The following PDGFC variants were observed in gnomAD, a reference collection of about 807,000 sequenced individuals.
PDGFC encodes platelet-derived growth factor C.
A neutral mutation model predicts 35.5 loss-of-function variants in PDGFC; 12 were observed. The observed-to-expected ratio is 0.34, with a 90% CI of 0.22 to 0.55. The LOEUF is 0.55. Among genes scored for constraint, PDGFC ranks in the 20% least tolerant of loss-of-function variants. The probability of loss-of-function intolerance (pLI) is 0.91; values close to 1 mark genes in which losing one functional copy is unlikely to be tolerated. For synonymous variants in PDGFC, 159 were observed against 148.8 expected, an observed-to-expected ratio of 1.07 and a Z score of -0.50; for missense variants, 322 against 412.4, an observed-to-expected ratio of 0.78 and a Z score of 1.90.
rs915539863 is a variant in PDGFC at position 156,760,728 on chromosome 4, G to T, written c.*2362C>A. ...AACCACTCACCGACTGGCAACTGAGGACTGCTACCCTTATGATCTCTTCTG... is the reference window on the plus strand; with the variant it reads ...AACCACTCACCGACTGGCAACTGAGTACTGCTACCCTTATGATCTCTTCTG... On this transcript the variant is annotated 3_prime_UTR_variant, in exon 6 of 6. Transcript: ENST00000502773. The T allele has an allele frequency of 3.9e-5, 6 of 152,146 alleles. No homozygotes were observed. The highest frequency in any genetic ancestry group is 3.9e-4 in the Admixed American group (6 of 15,284). 9.4% of individuals were successfully genotyped at this position (152,146 alleles called of 1,614,324 possible).
chr4:156,837,884 A>C (rs1211385115), intron 2 of PDGFC, among the ~76,000 whole-genome samples: 3 of 152,128 alleles, frequency 2.0e-5, no homozygotes, highest in Non-Finnish European at 4.4e-5. Context: ...CAAAATATAA[A>C]ACCAAAACAT....
chr4:156,821,160 G>A (rs1022293947), intron 2 of PDGFC, among the ~76,000 whole-genome samples: 1 of 144,790 alleles, frequency 6.9e-6, no homozygotes, highest in African/African-American at 2.7e-5. Context: ...AAGGAATGTT[G>A]CCTGTTGTAT....
chr4:156,870,168 G>A (rs567286302), intron 1 of PDGFC, among the ~76,000 whole-genome samples: 10 of 152,180 alleles, frequency 6.6e-5, no homozygotes, highest in African/African-American at 2.2e-4. Flanking sequence ...CCACTTAACC[G>A]AAGTGATTCA....
intron 1 of PDGFC, among the ~76,000 whole-genome samples, chr4:156,918,457 C>T (rs1399267706): frequency 2.6e-5 from 4 of 152,164 alleles, no homozygotes; most frequent in Admixed American, 6.5e-5. Context: ...ATCAGGGGTC[C>T]AACCACTGGC....
intron 2 of PDGFC, chr4:156,835,902 T>C (rs1191689795): frequency 6.6e-6 from 1 of 152,178 alleles, no homozygotes; most frequent in African/African-American, 2.4e-5. Flanking sequence ...GAAAAATGCA[T>C]TCAGGATTTT....
chr4:156,766,281 T>G (rs72683327), intron 5 of PDGFC, among the ~76,000 whole-genome samples: 26,676 of 152,046 alleles, frequency 0.18, 2,506 homozygotes, highest in South Asian at 0.4. Flanking sequence ...TATACATATA[T>G]AAGGTTCCTG....
intron 1 of PDGFC, among the ~76,000 whole-genome samples, chr4:156,865,186 G>GCACACACACACA (rs34323245): frequency 0.013 from 1,953 of 146,726 alleles, 14 homozygotes; most frequent in African/African-American, 0.026. Context: ...AGATACATGT[G>GCACACACACACA]CACACACACA....
At chr4:156,928,365 G>C (rs1731466664) in intron 1 of PDGFC, among the ~76,000 whole-genome samples, 1 of 152,126 alleles carries the variant, frequency 6.6e-6, no homozygotes, top group Non-Finnish European at 1.5e-5. Context: ...AGCTGGAACT[G>C]CAGCTCTACC....
chr4:156,822,645 T>A (rs1447657595), intron 2 of PDGFC, among the ~76,000 whole-genome samples: 1 of 152,148 alleles, frequency 6.6e-6, no homozygotes, highest in African/African-American at 2.4e-5. Context: ...ACTGTTATTA[T>A]ACCCACATTA....
intron 4 of PDGFC, among the ~76,000 whole-genome samples, chr4:156,769,163 C>T (rs1730624682): frequency 6.6e-6 from 1 of 151,114 alleles, no homozygotes; most frequent in Admixed American, 6.6e-5. Context: ...ACTTAAATAC[C>T]TTTCCACTAA....
At chr4:156,889,335 T>C (rs946875207) in intron 1 of PDGFC, among the ~76,000 whole-genome samples, 1 of 152,196 alleles carries the variant, frequency 6.6e-6, no homozygotes, top group Admixed American at 6.5e-5. Context: ...TTTTATACTT[T>C]CTAGGATACA....
At chr4:156,809,662 A>G (rs536109536) in intron 3 of PDGFC, among the ~76,000 whole-genome samples, 1 of 152,066 alleles carries the variant, frequency 6.6e-6, no homozygotes, top group African/African-American at 2.4e-5. Flanking sequence ...TTTAATCCAT[A>G]TAACTCCTTG....
At chr4:156,919,607 C>T (rs1275404276) in intron 1 of PDGFC, among the ~76,000 whole-genome samples, 1 of 152,048 alleles carries the variant, frequency 6.6e-6, no homozygotes, top group Admixed American at 6.5e-5. Flanking sequence ...AGCTGAGGAC[C>T]AGAGAGATGG....
At position 156,760,904 on chromosome 4, in the gene PDGFC, C is replaced by T. The variant is rs1730360938; in HGVS notation, c.*2186G>A. 6.6e-6 allele frequency: 1 copy of T among 152,074 alleles called. No homozygotes were observed. The allele number at this position is 152,074 out of a possible 1,614,324, so 9.4% of individuals were successfully genotyped here. On this transcript the variant is annotated 3_prime_UTR_variant, in exon 6 of 6. Transcript: ENST00000502773. Reference sequence around the variant, plus strand: ...TTACTATACTAATGAAAGTTGTAAACTGCCAACTACTTACTACGTTGCATA... The same window carrying T: ...TTACTATACTAATGAAAGTTGTAAATTGCCAACTACTTACTACGTTGCATA...
intron 5 of PDGFC, among the ~76,000 whole-genome samples, chr4:156,764,976 C>T (rs1730481547): frequency 6.6e-6 from 1 of 152,142 alleles, no homozygotes; most frequent in Non-Finnish European, 1.5e-5. Flanking sequence ...ATTAGAGAGG[C>T]CACCATACAC....
chr4:156,920,105 C>T (rs1044896823), intron 1 of PDGFC, among the ~76,000 whole-genome samples: 4 of 152,170 alleles, frequency 2.6e-5, no homozygotes, highest in African/African-American at 9.7e-5. Context: ...TTTTAAGCTT[C>T]CTGAAGGCCT....
chr4:156,845,741 T>C (rs1729310743), intron 2 of PDGFC, among the ~76,000 whole-genome samples: 1 of 151,992 alleles, frequency 6.6e-6, no homozygotes, highest in Non-Finnish European at 1.5e-5. Context: ...ATTAAACTGG[T>C]TATAACATCT....
At chr4:156,881,406 C>T (rs1730238054) in intron 1 of PDGFC, among the ~76,000 whole-genome samples, 1 of 152,104 alleles carries the variant, frequency 6.6e-6, no homozygotes, top group Admixed American at 6.5e-5. Flanking sequence ...GTGTGACTCC[C>T]TGATATGGTT....
intron 2 of PDGFC, among the ~76,000 whole-genome samples, chr4:156,813,942 T>C (rs1732009808): frequency 6.6e-6 from 1 of 152,098 alleles, no homozygotes; most frequent in African/African-American, 2.4e-5. Context: ...TATCTTTGCT[T>C]ACTTTACTGT....
Sources: allele counts gnomAD v4.1 joint callset (sites outside exome capture counted in the v4.1 genomes callset), GRCh38; gene constraint gnomAD v4.1.1; transcripts MANE v1.5; gene names NCBI Gene and HGNC (gene_info 2026-07-23, HGNC 2026-07-21).